The following HGSNAT variants were observed in gnomAD, a reference collection of about 807,000 sequenced individuals.
The protein encoded by HGSNAT is heparan-alpha-glucosaminide N-acetyltransferase.
In HGSNAT, 59 loss-of-function variants were observed where a neutral mutation model predicts 85.2. The observed-to-expected ratio is 0.69, with a 90% CI of 0.56 to 0.86. The LOEUF is 0.86. Ranked by LOEUF, HGSNAT falls within the 40% of genes least tolerant of loss-of-function variation. The pLI, the probability that HGSNAT is intolerant of heterozygous loss-of-function variation, is 0.00. For missense variants in HGSNAT, 756 were observed against 777.1 expected (o/e 0.97, Z 0.32); for synonymous variants, 321 against 304.5 (o/e 1.05, Z -0.56).
intron 12 of HGSNAT, among the ~76,000 whole-genome samples, chr8:43,191,970 C>T (rs1254129521): frequency 3.3e-5 from 5 of 152,052 alleles, no homozygotes; most frequent in Admixed American, 6.6e-5. Context: ...GCTCTGTCGC[C>T]CAGGCAGGAG....
chr8:43,140,986 C>CG (rs895706112), intron 1 of HGSNAT, among the ~76,000 whole-genome samples: 26 of 152,270 alleles, frequency 1.7e-4, no homozygotes, highest in South Asian at 2.1e-4. Context: ...AGCCGAGGAT[C>CG]GGGGGGGCTC....
chr8:43,141,183 T>G (rs1586691207), intron 1 of HGSNAT, among the ~76,000 whole-genome samples: 1 of 151,880 alleles, frequency 6.6e-6, no homozygotes, highest in African/African-American at 2.4e-5. Context: ...GTGCGGCGGG[T>G]GAGGAACCGC....
At chr8:43,146,490 C>G (rs995437889) in intron 1 of HGSNAT, among the ~76,000 whole-genome samples, 1 of 152,092 alleles carries the variant, frequency 6.6e-6, no homozygotes, top group African/African-American at 2.4e-5. Context: ...ATTGAAAAAC[C>G]GTGGTCACAG....
intron 5 of HGSNAT, among the ~76,000 whole-genome samples, 178 bp from the exon 6 acceptor site, chr8:43,168,995 A>G (rs1040546931): frequency 2.0e-5 from 3 of 152,190 alleles, no homozygotes; most frequent in Non-Finnish European, 4.4e-5. Flanking sequence ...TTGAGTATTT[A>G]TAAGTAGAGC....
chr8:43,150,690 C>CG (rs1802883359), intron 2 of HGSNAT, among the ~76,000 whole-genome samples: 2 of 151,868 alleles, frequency 1.3e-5, no homozygotes, highest in Non-Finnish European at 2.9e-5. Context: ...AAAAATTAGC[C>CG]AGGCATGGTG....
In HGSNAT at chr8:43,160,987, C is replaced by T. The variant is rs528324456; in HGVS notation, c.494-451C>T. 1.6e-4 allele frequency among the ~76,000 whole-genome samples: 25 copies of T among 152,262 alleles called. 1 individual carries two copies. The highest frequency in any genetic ancestry group is 2.8e-4 in the Non-Finnish European group (19 of 68,034). The stretch of plus-strand genomic sequence containing the variant: ...ATTTTTTACTGGTATACAGCAAAAG[C>T]GAGGCTGGGTCCTTCTCAGTGCCTT... On this transcript the variant is annotated intron_variant, in intron 4 of 17. Transcript: ENST00000379644.
intron 7 of HGSNAT, among the ~76,000 whole-genome samples, chr8:43,171,582 G>A (rs1803626670): frequency 6.6e-6 from 1 of 152,158 alleles, no homozygotes; most frequent in Non-Finnish European, 1.5e-5. Flanking sequence ...AGGCACTTGG[G>A]TTACAGAGTC....
At position 43,150,361 on chromosome 8, in the gene HGSNAT, C is replaced by G. The variant is rs144059041; in HGVS notation, c.234+3298C>G. 4.9e-3 allele frequency among the ~76,000 whole-genome samples: 739 copies of G among 152,268 alleles called. 14 individuals carry two copies. The highest frequency in any genetic ancestry group is 0.016 in the African/African-American group (680 of 41,562). On this transcript the variant is annotated intron_variant, in intron 2 of 17. Coordinates refer to ENST00000379644, the MANE Select transcript of HGSNAT (RefSeq NM_152419.3). ...GAAGACTGAGCCCTGCGAGGTAGTTCACACCTGTAATCCCAGCACTTTGGG... is the reference window on the plus strand; with the variant it reads ...GAAGACTGAGCCCTGCGAGGTAGTTGACACCTGTAATCCCAGCACTTTGGG...
chr8:43,157,403 C>T (rs186439474), intron 2 of HGSNAT, among the ~76,000 whole-genome samples: 27 of 152,046 alleles, frequency 1.8e-4, no homozygotes, highest in South Asian at 1.7e-3. Flanking sequence ...TCATTTGTAA[C>T]GGGAGCTATT....
rs775078211 is a variant in HGSNAT at position 43,191,495 on chromosome 8, C to G, written c.1150C>G (p.Arg384Gly). The stretch of plus-strand genomic sequence containing the variant: ...TCAGGAGAGGAGCTGCCTTTCTCTT[C>G]GAGACATCACGTCCAGCTGGCCCCA... ...CASERSCLSL[R>G]DITSSWPQWL... Residue 384 changes from arginine to glycine, a missense_variant, in exon 12 of 18, where the codon CGA (arginine) becomes GGA (glycine). Transcript: ENST00000379644. 6 of 1,613,774 alleles carry G rather than the reference C, an allele frequency of 3.7e-6. No homozygotes were observed. The highest frequency in any genetic ancestry group is 4.2e-6 in the Non-Finnish European group (5 of 1,179,788).
At chr8:43,178,592 T>G (rs1256735804) in intron 10 of HGSNAT, among the ~76,000 whole-genome samples, 2 of 146,958 alleles carry the variant, frequency 1.4e-5, no homozygotes, top group African/African-American at 5.2e-5. Flanking sequence ...TTCATCAGCT[T>G]TCTTTTTTTT....
intron 1 of HGSNAT, among the ~76,000 whole-genome samples, chr8:43,141,002 C>T (rs1035596892): frequency 7.2e-5 from 11 of 152,226 alleles, no homozygotes; most frequent in Non-Finnish European, 1.5e-5. Context: ...GGCTCGGACT[C>T]CCCCTGCACC....
rs1470814287 is a variant in HGSNAT, at chr8:43,192,414, A to G, written c.1361A>G (p.Gln454Arg). The change falls in exon 13 of 18, where the codon CAG (glutamine) becomes CGG (arginine). Residue 454 changes from glutamine to arginine, a missense_variant. Transcript: ENST00000379644. ...RLLLGDDHLY[Q>R]HPSSAVLYHT... ...CTGCTGGGAGACGATCACCTTTACC[A>G]GCACCCATCTTCTGCTGTGAGTGAG... is the stretch of plus-strand genomic sequence containing the variant. 1.9e-6 allele frequency: 3 copies of G among 1,611,386 alleles called. No individual in the cohort carries two copies. In the African/African-American group the frequency reaches 4.0e-5, roughly 22 times the overall value.
rs145594860 is a variant in HGSNAT, at chr8:43,175,690, C to T, written c.851+1947C>T. Reference sequence around the variant, plus strand: ...CAGCGATTCTTCTGCCTCAGCCTCCCGAGTAGCTGGGATTACAGGTGCGCA... The same window carrying T: ...CAGCGATTCTTCTGCCTCAGCCTCCTGAGTAGCTGGGATTACAGGTGCGCA... On this transcript the variant is annotated intron_variant, in intron 9 of 17. Transcript: ENST00000379644. Among the ~76,000 whole-genome samples, 849 of 150,906 alleles carry T rather than the reference C, an allele frequency of 5.6e-3. 6 individuals are homozygous for T. Among genetic ancestry groups the T allele is most frequent in the African/African-American group, 0.02 (809 of 41,062 alleles).
At chr8:43,192,163 G>C in intron 12 of HGSNAT, 141 bp from the exon 13 acceptor site, 3 of 849,960 alleles carry the variant, frequency 3.5e-6, no homozygotes, top group Non-Finnish European at 5.2e-6. Context: ...CCTGACCTCA[G>C]GTGATCTGCC....
intron 14 of HGSNAT, among the ~76,000 whole-genome samples, chr8:43,195,200 C>T (rs1219008390): frequency 6.6e-6 from 1 of 152,010 alleles, no homozygotes; most frequent in Non-Finnish European, 1.5e-5. Context: ...ACACTGTCCC[C>T]CCATGCAGTG....
At chr8:43,155,200 G>T (rs1006360443) in intron 2 of HGSNAT, among the ~76,000 whole-genome samples, 4 of 152,150 alleles carry the variant, frequency 2.6e-5, no homozygotes, top group Admixed American at 2.6e-4. Flanking sequence ...CAACAACAGT[G>T]TGTAAGAGTG....
intron 2 of HGSNAT, among the ~76,000 whole-genome samples, chr8:43,148,498 A>G (rs1802784917): frequency 6.6e-6 from 1 of 151,908 alleles, no homozygotes; most frequent in South Asian, 2.1e-4. Context: ...TTAAAGAATT[A>G]AAAAAGAGGC....
intron 7 of HGSNAT, 108 bp from the exon 8 acceptor site, chr8:43,172,202 T>C (rs1803646387): frequency 1.2e-6 from 1 of 808,304 alleles, no homozygotes; most frequent in South Asian, 1.4e-5. Flanking sequence ...CTCAGTAGAA[T>C]TGCATTGTTG....
Sources: gnomAD v4.1 joint callset for allele counts (sites outside exome capture counted in the v4.1 genomes callset) on GRCh38, gnomAD v4.1.1 for gene constraint, MANE v1.5 for transcripts, NCBI Gene and HGNC (gene_info 2026-07-23, HGNC 2026-07-21) for gene names.